Variants in SOCS7 observed in about 807,000 individuals in gnomAD.
SOCS7 encodes NAP-4.
A neutral mutation model predicts 58.9 loss-of-function variants in SOCS7; 18 were observed. The ratio of observed to expected loss-of-function variants is 0.31; its 90% CI spans 0.21 to 0.45. SOCS7 has a LOEUF of 0.45. Among genes scored for constraint, SOCS7 ranks in the 20% least tolerant of loss-of-function variants. The probability of loss-of-function intolerance (pLI) is 1.00; values close to 1 mark genes in which losing one functional copy is unlikely to be tolerated. For missense variants in SOCS7, 667 were observed against 837.3 expected (o/e 0.80, Z 2.51); for synonymous variants, 388 against 364.3 (o/e 1.06, Z -0.74).
chr17:38,351,846 C>T lies in SOCS7; in HGVS notation c.-207C>T, dbSNP rs1012500019. Among the ~76,000 whole-genome samples the T allele has an allele frequency of 6.6e-6, 1 of 151,046 alleles. No individual in the cohort carries two copies. The highest frequency in any genetic ancestry group is 2.0e-4 in the East Asian group (1 of 5,008). The stretch of plus-strand genomic sequence containing the variant: ...TAAGCCCTTCCGGAAGTGACGTCGG[C>T]TTGGGGGCGGTGCTCGGCGGTGGCG... On this transcript the variant is annotated 5_prime_UTR_variant, in exon 1 of 10. Transcript: ENST00000612932.
rs1031534652 is a variant in SOCS7, at chr17:38,388,759, A to G, written c.1682-6550A>G. Among the ~76,000 whole-genome samples, 14 of 152,078 alleles carry G rather than the reference A, an allele frequency of 9.2e-5. 1 individual carries two copies. Among genetic ancestry groups the G allele is most frequent in the African/African-American group, 1.9e-4 (8 of 41,394 alleles). On this transcript the variant is annotated intron_variant, in intron 7 of 9. Coordinates refer to ENST00000612932, the MANE Select transcript of SOCS7 (RefSeq NM_014598.4). Reference sequence around the variant, plus strand: ...ATAAATGGAATCATACAATATTTTTATGTCTTGTTTCTTTTACTTAGCATA... The same window carrying G: ...ATAAATGGAATCATACAATATTTTTGTGTCTTGTTTCTTTTACTTAGCATA...
chr17:38,378,363 A>T (rs935958413), intron 7 of SOCS7, among the ~76,000 whole-genome samples: 1 of 152,016 alleles, frequency 6.6e-6, no homozygotes, highest in African/African-American at 2.4e-5. Flanking sequence ...AAAAATAAAA[A>T]ATTAGCCAGG....
In SOCS7 at chr17:38,367,940, A is replaced by T. The variant is rs766186754; in HGVS notation, c.1442A>T (p.Lys481Ile). Residue 481 changes from lysine to isoleucine, a missense_variant, in exon 6 of 10, where the codon AAA (lysine) becomes ATA (isoleucine). Lys to Ile is a moderately radical substitution (Grantham distance 102, BLOSUM62 -3). This residue lies in a region of SOCS7 where 76 missense variants were observed against 194.5 expected (regional missense o/e 0.39). Coordinates refer to ENST00000612932, the MANE Select transcript of SOCS7 (RefSeq NM_014598.4). Reference protein sequence around the residue: ...WEDAEMKLKGKPDGSFLVRDS... With the variant: ...WEDAEMKLKGIPDGSFLVRDS... ...GATGCAGAGATGAAGCTGAAAGGGA[A>T]ACCAGATGGTTCTTTCCTGGTACGA... 1 of 1,614,106 alleles carries T rather than the reference A, an allele frequency of 6.2e-7. No individual in the cohort carries two copies. Among genetic ancestry groups the T allele is most frequent in the Non-Finnish European group, 8.5e-7 (1 of 1,179,990 alleles).
At position 38,352,565 on chromosome 17, in the gene SOCS7, C is replaced by T. The variant is rs542218566; in HGVS notation, c.513C>T (p.Pro171=). The T allele has an allele frequency of 1.3e-6, 2 of 1,549,828 alleles. No individual in the cohort carries two copies. Among genetic ancestry groups the T allele is most frequent in the African/African-American group, 1.4e-5 (1 of 73,172 alleles). Residue 171 remains proline (P), a synonymous_variant, in exon 1 of 10, where the codon CCC becomes CCT. Coordinates refer to ENST00000612932, the MANE Select transcript of SOCS7 (RefSeq NM_014598.4). The surrounding 1 kb of genome is among the most constrained non-coding windows in gnomAD (Gnocchi z 5.5). ...CCGCCCCGCAGGCCGGGGAGGACCC[C>T]ACGGAAACGAGCGACGCGCTGCTGG... ...PAAAPQAGED[P]TETSDALLVL...
chr17:38,379,737 C>G (rs978299563), intron 7 of SOCS7, among the ~76,000 whole-genome samples: 1 of 152,112 alleles, frequency 6.6e-6, no homozygotes. Flanking sequence ...TCAGTGCTGT[C>G]AACACAGTTG....
At chr17:38,382,366 A>G (rs1385750315) in intron 7 of SOCS7, among the ~76,000 whole-genome samples, 1 of 146,412 alleles carries the variant, frequency 6.8e-6, no homozygotes, top group Non-Finnish European at 1.5e-5. Context: ...TAGGCCGGGT[A>G]GGTCAAGGCT....
Position 38,352,187 on chromosome 17 carries a change from C to G in SOCS7, c.135C>G (p.Pro45=). 3.1e-6 allele frequency: 4 copies of G among 1,303,580 alleles called. No homozygotes were observed. The highest frequency in any genetic ancestry group is 3.9e-6 in the Non-Finnish European group (4 of 1,034,130). 80.8% of individuals were successfully genotyped at this position (1,303,580 alleles called of 1,614,324 possible). A position where few individuals can be genotyped will look rare whatever the true frequency, so the allele number is the denominator to read the frequency against. Reference sequence around the variant, plus strand: ...CGCCACCGCCCCCGGGCCATGGCCCCCCGCCGCCACCCTTCCTCGCGCGGC... The same window carrying G: ...CGCCACCGCCCCCGGGCCATGGCCCGCCGCCGCCACCCTTCCTCGCGCGGC... The part of the protein sequence containing the change: ...GPPPPPPGHG[P]PPPPFLARPG... Residue 45 remains proline (P), a synonymous_variant, in exon 1 of 10, where the codon CCC becomes CCG. Transcript: ENST00000612932. This position sits in a 1 kb window ranked among gnomAD's most constrained non-coding sequence, Gnocchi z 5.5.
intron 7 of SOCS7, among the ~76,000 whole-genome samples, chr17:38,383,302 C>G (rs933134599): frequency 6.6e-6 from 1 of 152,098 alleles, no homozygotes; most frequent in Admixed American, 6.6e-5. Context: ...AAGACAATGC[C>G]TGACACAGAG....
At position 38,351,986 on chromosome 17, in the gene SOCS7, G is replaced by A. The variant is rs999729232; in HGVS notation, c.-67G>A. Reference sequence around the variant, plus strand: ...CGGGGGCCGCGGCGGGCGGGGCTCCGGCGGGGCCCGGCCTAGTCCCCACCC... The same window carrying A: ...CGGGGGCCGCGGCGGGCGGGGCTCCAGCGGGGCCCGGCCTAGTCCCCACCC... On this transcript the variant is annotated 5_prime_UTR_variant, in exon 1 of 10. Coordinates refer to ENST00000612932, the MANE Select transcript of SOCS7 (RefSeq NM_014598.4). Among the ~76,000 whole-genome samples, 2 of 150,958 alleles carry A rather than the reference G, an allele frequency of 1.3e-5. No individual in the cohort carries two copies. The highest frequency in any genetic ancestry group is 6.6e-5 in the Admixed American group (1 of 15,174).
chr17:38,380,030 G>C (rs1286687141), intron 7 of SOCS7, among the ~76,000 whole-genome samples: 1 of 152,156 alleles, frequency 6.6e-6, no homozygotes, highest in Middle Eastern at 3.2e-3. Context: ...AGCTCTGCCT[G>C]TGGACAAGCC....
intron 4 of SOCS7, chr17:38,365,988 A>C: frequency 1.8e-6 from 2 of 1,118,676 alleles, no homozygotes; most frequent in Non-Finnish European, 2.2e-6. Flanking sequence ...GAGAAGTTGG[A>C]ATCGCTCTAG....
intron 9 of SOCS7, among the ~76,000 whole-genome samples, chr17:38,398,354 CACCTCAGCCTCCCAGTGGG>C (rs2038271474): frequency 6.6e-6 from 1 of 151,524 alleles, no homozygotes; most frequent in Non-Finnish European, 1.5e-5. Flanking sequence ...GCAATTCTCC[CACCTCAGCCTCCCAGTGGG>C]AGGCTGGGAT....
At chr17:38,377,625 G>T in intron 6 of SOCS7, 89 bp from the exon 7 acceptor site, 1 of 1,314,984 alleles carries the variant, frequency 7.6e-7, no homozygotes, top group Non-Finnish European at 1.0e-6. Flanking sequence ...CCTCCCAAAA[G>T]TGAGAATCAT....
rs2038299733 is a variant in SOCS7 at position 38,400,120 on chromosome 17, G to A, written c.*638G>A. 6.6e-6 allele frequency: 1 copy of A among 152,170 alleles called. No individual in the cohort carries two copies. The highest frequency in any genetic ancestry group is 2.1e-4 in the South Asian group (1 of 4,814). 9.4% of individuals were successfully genotyped at this position (152,170 alleles called of 1,614,324 possible). On this transcript the variant is annotated 3_prime_UTR_variant, in exon 10 of 10. Coordinates refer to ENST00000612932, the MANE Select transcript of SOCS7 (RefSeq NM_014598.4). ...AAACCTAGCCAATTGGCCTTAGCTG[G>A]GAGAAGTAGTGACTCCTGCATCCTT...
chr17:38,379,435 C>T (rs1798212209), intron 7 of SOCS7, among the ~76,000 whole-genome samples: 3 of 152,082 alleles, frequency 2.0e-5, no homozygotes, highest in South Asian at 2.1e-4. Flanking sequence ...GCTGAGATTG[C>T]GCCATTGCAC....
chr17:38,399,142 C>T lies in SOCS7; in HGVS notation c.*31-371C>T, dbSNP rs189593267. ...ATATAGAGCTCTTTCTTGCCAGGTT[C>T]AAAAGGGGTTACTCCAGGGGCTTAC... On this transcript the variant is annotated intron_variant, in intron 9 of 9. Coordinates refer to ENST00000612932, the MANE Select transcript of SOCS7 (RefSeq NM_014598.4). 1.7e-3 allele frequency among the ~76,000 whole-genome samples: 261 copies of T among 151,098 alleles called. 1 individual carries two copies. Among genetic ancestry groups the T allele is most frequent in the Middle Eastern group, 6.9e-3 (2 of 290 alleles).
chr17:38,364,877 CACCT>C (rs149133602), intron 3 of SOCS7, 21 bp downstream of exon 3: 18,690 of 1,578,080 alleles, frequency 0.012, 131 homozygotes, highest in Non-Finnish European at 0.014. Flanking sequence ...TTCCCCTCTC[CACCT>C]TCTTGCCTAG....
chr17:38,363,764 A>C (rs1555567886), intron 2 of SOCS7, among the ~76,000 whole-genome samples: 2 of 152,092 alleles, frequency 1.3e-5, no homozygotes, highest in African/African-American at 4.8e-5. Flanking sequence ...TCATTTTCTT[A>C]ACGGGGAAAC....
Position 38,353,000 on chromosome 17 carries a change from A to G in SOCS7, c.948A>G (p.Gly316=). Residue 316 remains glycine (G), a synonymous_variant, in exon 1 of 10, where the codon GGA becomes GGG. Coordinates refer to ENST00000612932, the MANE Select transcript of SOCS7 (RefSeq NM_014598.4). This position sits in a 1 kb window ranked among gnomAD's most constrained non-coding sequence, Gnocchi z 5.5. ...AASAASLTDM[G]GSAGRELDAG... is the part of the protein sequence containing the mutation. ...CAGCTGCGAGCCTGACAGACATGGGAGGCTCTGCGGGCCGGGAGCTGGACG... is the reference window on the plus strand; with the variant it reads ...CAGCTGCGAGCCTGACAGACATGGGGGGCTCTGCGGGCCGGGAGCTGGACG... 1 of 1,600,206 alleles carries G rather than the reference A, an allele frequency of 6.2e-7. No individual in the cohort carries two copies. Among genetic ancestry groups the G allele is most frequent in the Non-Finnish European group, 8.5e-7 (1 of 1,174,268 alleles).
Sources: allele counts gnomAD v4.1 joint callset (sites outside exome capture counted in the v4.1 genomes callset), GRCh38; gene constraint gnomAD v4.1.1; regional missense constraint gnomAD v4.1.1; non-coding constraint Gnocchi (gnomAD v3.1); transcripts MANE v1.5; gene names NCBI Gene and HGNC (gene_info 2026-07-23, HGNC 2026-07-21).